Variants in AGBL1 observed in about 807,000 individuals in gnomAD.
AGBL1 encodes AGBL carboxypeptidase 1, also known as cytosolic carboxypeptidase 4.
Under a neutral mutation model 118.9 loss-of-function variants are expected in AGBL1, and 130 were observed. The ratio of observed to expected loss-of-function variants is 1.09; its 90% CI spans 0.95 to 1.26. The LOEUF (loss-of-function observed/expected upper bound fraction) is 1.26, where lower values mean the gene tolerates loss of function less well. AGBL1 is among the 50% of genes most tolerant of loss of function. The pLI, the probability that AGBL1 is intolerant of heterozygous loss-of-function variation, is 0.00. For missense variants in AGBL1, 1,584 were observed against 1,298.1 expected (o/e 1.22, Z -3.38); for synonymous variants, 555 against 478.9 (o/e 1.16, Z -2.08).
intron 22 of AGBL1, among the ~76,000 whole-genome samples, chr15:86,849,280 T>A (rs2083573736): frequency 6.6e-6 from 1 of 152,204 alleles, no homozygotes; most frequent in Non-Finnish European, 1.5e-5. Context: ...TGCAAGTCCC[T>A]CGGAAGAGTC....
chr15:86,857,577 T>G (rs2079501132), intron 22 of AGBL1, among the ~76,000 whole-genome samples: 1 of 152,226 alleles, frequency 6.6e-6, no homozygotes, highest in Non-Finnish European at 1.5e-5. Flanking sequence ...AACTCAAAAG[T>G]GACCTCTTTA....
chr15:86,468,331 C>T (rs553286259), intron 18 of AGBL1, among the ~76,000 whole-genome samples: 21 of 152,244 alleles, frequency 1.4e-4, no homozygotes, highest in African/African-American at 4.1e-4. Flanking sequence ...CCCTGTCCAT[C>T]GCACAAAATT....
intron 22 of AGBL1, among the ~76,000 whole-genome samples, chr15:86,689,638 G>A (rs946773848): frequency 4.6e-5 from 7 of 151,738 alleles, no homozygotes; most frequent in African/African-American, 1.7e-4. Flanking sequence ...ACCTTGATGG[G>A]GATTTACACC....
At chr15:86,826,251 T>C (rs887620477) in intron 22 of AGBL1, among the ~76,000 whole-genome samples, 3 of 152,126 alleles carry the variant, frequency 2.0e-5, no homozygotes, top group African/African-American at 2.4e-5. Flanking sequence ...GCAAATATCA[T>C]TGATGTTCTG....
intron 17 of AGBL1, among the ~76,000 whole-genome samples, chr15:86,335,153 T>C (rs2080343604): frequency 6.6e-6 from 1 of 152,040 alleles, no homozygotes; most frequent in African/African-American, 2.4e-5. Flanking sequence ...TTTTTTTTTT[T>C]TTGAGACGGA....
At chr15:86,474,791 T>C (rs1459146937) in intron 18 of AGBL1, among the ~76,000 whole-genome samples, 1 of 152,222 alleles carries the variant, frequency 6.6e-6, no homozygotes, top group Non-Finnish European at 1.5e-5. Flanking sequence ...AGTGGGTCCC[T>C]GATCCTTGAG....
rs1287390407 is a variant in AGBL1 at position 86,616,363 on chromosome 15, A to AT, written c.2995-57910_2995-57909insT. On this transcript the variant is annotated intron_variant, in intron 21 of 22. Transcript: ENST00000614907. ...TCAAAAAAAAAAAAAAAAAAAAAAA[A>AT]AAAAAAAAATGAAGATGGAAAACTT... Among the ~76,000 whole-genome samples the AT allele has an allele frequency of 9.7e-3, 1,428 of 146,784 alleles. 45 individuals carry two copies. The highest frequency in any genetic ancestry group is 0.031 in the African/African-American group (1,207 of 39,216).
intron 23 of AGBL1, among the ~76,000 whole-genome samples, chr15:86,978,586 T>C (rs888410646): frequency 2.0e-5 from 3 of 152,086 alleles, no homozygotes; most frequent in Non-Finnish European, 4.4e-5. Context: ...GACCAAAATA[T>C]AAACCAGCTC....
chr15:86,885,970 C>T (rs1312258696), intron 22 of AGBL1, among the ~76,000 whole-genome samples: 1 of 152,178 alleles, frequency 6.6e-6, no homozygotes, highest in Non-Finnish European at 1.5e-5. Flanking sequence ...AACCTAAAGG[C>T]CTGATAGAAA....
In AGBL1 at chr15:86,257,995, G is replaced by A. The variant is rs566704959; in HGVS notation, c.933G>A (p.Val311=). 4.3e-6 allele frequency: 7 copies of A among 1,613,672 alleles called. No homozygotes were observed. Among genetic ancestry groups the A allele is most frequent in the Admixed American group, 3.3e-5 (2 of 59,936 alleles). The change falls in exon 9 of 23, where the codon GTG becomes GTA. Residue 311 remains valine, a synonymous_variant. Coordinates refer to ENST00000614907, the MANE Select transcript of AGBL1 (RefSeq NM_001386094.1). ...EDFEDDGDDE[V]DKDSDTEDGK... The stretch of plus-strand genomic sequence containing the variant: ...TTGAAGATGATGGCGATGATGAAGT[G>A]GACAAAGACTCTGATACTGAAGATG...
At chr15:86,843,610 C>A (rs1452455) in intron 22 of AGBL1, among the ~76,000 whole-genome samples, 137,232 of 152,166 alleles carry the variant, frequency 0.9, 61,947 homozygotes, top group East Asian at 1. Flanking sequence ...AAGGCAACGC[C>A]GAATGATTTC....
At chr15:86,340,736 G>C (rs1455225414) in intron 17 of AGBL1, among the ~76,000 whole-genome samples, 1 of 152,182 alleles carries the variant, frequency 6.6e-6, no homozygotes, top group Non-Finnish European at 1.5e-5. Context: ...TACCTATCTG[G>C]TAGAGGAAGG....
rs922767267 is a variant in AGBL1, at chr15:86,785,762, A to C, written c.3158+111326A>C. 2.0e-5 allele frequency among the ~76,000 whole-genome samples: 3 copies of C among 152,156 alleles called. No homozygotes were observed. In the East Asian group the frequency reaches 5.8e-4, roughly 29 times the overall value. On this transcript the variant is annotated intron_variant, in intron 22 of 22. Transcript: ENST00000614907. ...CAGCAATGAAGCAGAAGTTAGGAGA[A>C]AATCACAAGAAATAAATCAGGTAAT...
intron 24 of AGBL1, among the ~76,000 whole-genome samples, chr15:87,015,362 GTCTATCTATCTATCTATCTAGTCTGTCTA>G (rs1567288249): frequency 6.6e-6 from 1 of 151,910 alleles, no homozygotes; most frequent in African/African-American, 2.4e-5. Context: ...CTGTCTGTCT[GTCTATCTATCTATCTATCTAGTCTGTCTA>G]TCTATCTACC....
intron 22 of AGBL1, among the ~76,000 whole-genome samples, chr15:86,685,221 A>T (rs2142580690): frequency 6.6e-6 from 1 of 152,266 alleles, no homozygotes; most frequent in African/African-American, 2.4e-5. Flanking sequence ...CAGGAGAAAG[A>T]AGTGATTACC....
At chr15:86,988,108 G>T in intron 24 of AGBL1, 1 of 1,611,442 alleles carries the variant, frequency 6.2e-7, no homozygotes, top group Non-Finnish European at 8.5e-7. Context: ...TCAGTTTCCT[G>T]ATTGTACATT....
chr15:86,474,138 C>T (rs1054512363), intron 18 of AGBL1, among the ~76,000 whole-genome samples: 2 of 152,100 alleles, frequency 1.3e-5, no homozygotes, highest in African/African-American at 4.8e-5. Flanking sequence ...GTCTACAGCT[C>T]CCAGTGTGAG....
At position 86,652,760 on chromosome 15, in the gene AGBL1, A is replaced by T. The variant is rs145890444; in HGVS notation, c.2995-21513A>T. 6.0e-3 allele frequency among the ~76,000 whole-genome samples: 910 copies of T among 152,242 alleles called. 9 individuals carry two copies. Among genetic ancestry groups the T allele is most frequent in the African/African-American group, 0.021 (860 of 41,554 alleles). ...GAATGACTACATTAAATCTCCCAAA[A>T]ATGTATGTATACACACACTTCAGTG... is the stretch of plus-strand genomic sequence containing the variant. On this transcript the variant is annotated intron_variant, in intron 21 of 22. Coordinates refer to ENST00000614907, the MANE Select transcript of AGBL1 (RefSeq NM_001386094.1).
intron 18 of AGBL1, among the ~76,000 whole-genome samples, chr15:86,485,973 G>T (rs1220197480): frequency 6.6e-6 from 1 of 151,924 alleles, no homozygotes; most frequent in Non-Finnish European, 1.5e-5. Context: ...AGGCAGGATT[G>T]CAGAGCAGCT....
Sources: gnomAD v4.1 joint callset for allele counts (sites outside exome capture counted in the v4.1 genomes callset) on GRCh38, gnomAD v4.1.1 for gene constraint, MANE v1.5 for transcripts, NCBI Gene and HGNC (gene_info 2026-07-23, HGNC 2026-07-21) for gene names.